Variants in EPG5 observed in about 807,000 individuals in gnomAD.
EPG5 encodes ectopic P-granules 5 autophagy tethering factor.
In EPG5, 159 loss-of-function variants were observed where a neutral mutation model predicts 302.7. That is an observed-to-expected ratio of 0.53 (90% CI 0.46 to 0.60). The LOEUF is 0.60. Ranked by LOEUF, EPG5 falls within the 20% of genes least tolerant of loss-of-function variation. The probability of loss-of-function intolerance (pLI) is 0.00; values close to 1 mark genes in which losing one functional copy is unlikely to be tolerated. For missense variants in EPG5, 2,896 were observed against 3,092.4 expected, an observed-to-expected ratio of 0.94 and a Z score of 1.51; for synonymous variants, 1,158 against 1,136.8, an observed-to-expected ratio of 1.02 and a Z score of -0.37.
rs760613861 is a variant in EPG5 at position 45,878,428 on chromosome 18, C to A, written c.5890G>T (p.Val1964Leu). Residue 1964 changes from valine to leucine, a missense_variant, in exon 34 of 44, where the codon GTA becomes TTA. Val to Leu is a conservative substitution (Grantham distance 32). Transcript: ENST00000282041. The stretch of plus-strand genomic sequence containing the variant: ...CATGGCTTAAAGAGCTGAATGATTA[C>A]TGAATGTAGGGATTTCAGCACTAAA... ...RKTVLKSLHS[V>L]IIQLFKPWIL... 8 of 1,611,980 alleles carry A rather than the reference C, an allele frequency of 5.0e-6. No individual in the cohort carries two copies. Among genetic ancestry groups the A allele is most frequent in the Non-Finnish European group, 6.8e-6 (8 of 1,179,010 alleles).
chr18:45,869,392 T>G (rs1413144904), intron 36 of EPG5, among the ~76,000 whole-genome samples: 1 of 152,194 alleles, frequency 6.6e-6, no homozygotes, highest in African/African-American at 2.4e-5. Flanking sequence ...TAGTTTATTA[T>G]GCCAACAAGA....
chr18:45,898,043 G>A (rs991186515), intron 27 of EPG5, among the ~76,000 whole-genome samples: 3 of 152,196 alleles, frequency 2.0e-5, no homozygotes, highest in African/African-American at 7.2e-5. Context: ...TCACTCGAAG[G>A]AGGAATACAG....
chr18:45,870,289 T>G (rs896847431), intron 36 of EPG5, among the ~76,000 whole-genome samples: 18 of 152,136 alleles, frequency 1.2e-4, no homozygotes, highest in Non-Finnish European at 2.9e-5. Flanking sequence ...AACGGAGGCA[T>G]TAAACTACGT....
the EPG5 span, among the ~76,000 whole-genome samples, chr18:45,807,646 G>A: frequency 1.3e-5 from 2 of 152,102 alleles, no homozygotes; most frequent in Non-Finnish European, 1.5e-5. Flanking sequence ...ACTACAGCTC[G>A]GCTCTCAGGA....
At chr18:45,934,012 A>G (rs893564244) in intron 11 of EPG5, among the ~76,000 whole-genome samples, 1 of 152,074 alleles carries the variant, frequency 6.6e-6, no homozygotes, top group Non-Finnish European at 1.5e-5. Context: ...TATCCTGGCC[A>G]GGCACGGTGG....
At chr18:45,842,361 T>C in the EPG5 span, 5 of 629,202 alleles carry the variant, frequency 7.9e-6, no homozygotes, top group Admixed American at 1.5e-4. Flanking sequence ...TGGCCTCCTA[T>C]GTGGACAACC....
At chr18:45,825,179 A>AAGG in the EPG5 span, among the ~76,000 whole-genome samples, 1 of 79,792 alleles carries the variant, frequency 1.3e-5, no homozygotes, top group Non-Finnish European at 2.5e-5. Context: ...AGGGAGGAAG[A>AAGG]GAGGGAGGGA....
chr18:45,897,447 T>C (rs375016642), intron 27 of EPG5, among the ~76,000 whole-genome samples: 2,842 of 152,328 alleles, frequency 0.019, 106 homozygotes, highest in African/African-American at 0.065. Context: ...TTCAGTTTTT[T>C]CCTCACTAAC....
chr18:45,962,754 C>T (rs943769765), intron 1 of EPG5, among the ~76,000 whole-genome samples: 1 of 152,092 alleles, frequency 6.6e-6, no homozygotes, highest in Non-Finnish European at 1.5e-5. Flanking sequence ...TTGTGGTTCC[C>T]TAAATAGCTG....
At chr18:45,920,510 C>A (rs949982018) in intron 16 of EPG5, among the ~76,000 whole-genome samples, 1 of 152,188 alleles carries the variant, frequency 6.6e-6, no homozygotes, top group Non-Finnish European at 1.5e-5. Flanking sequence ...CATAATTCTG[C>A]CGGCTGGAAG....
chr18:45,843,242 C>T (rs1013587845), downstream of EPG5: 3 of 152,338 alleles, frequency 2.0e-5, no homozygotes, highest in Non-Finnish European at 4.4e-5. Context: ...GGCAACTTCA[C>T]CCCCTTTGCC....
At chr18:45,890,818 T>C (rs548254200) in intron 27 of EPG5, among the ~76,000 whole-genome samples, 1 of 152,220 alleles carries the variant, frequency 6.6e-6, no homozygotes, top group Non-Finnish European at 1.5e-5. Flanking sequence ...GTGGGGGATA[T>C]GGGACAGAGA....
At position 45,865,634 on chromosome 18, in the gene EPG5, G is replaced by A. The variant is rs769881603; in HGVS notation, c.6747C>T (p.Ile2249=). Residue 2249 remains isoleucine, a synonymous_variant, in exon 39 of 44, where the codon ATC becomes ATT. Coordinates refer to ENST00000282041, the MANE Select transcript of EPG5 (RefSeq NM_020964.3). ...EQEMSKLLDD[I]IVFNPPDMDS... is the part of the protein sequence containing the mutation. ...ACTTACCGGGCGGGTTAAAGACAATGATATCGTCTAAGAGCTTAGACATTT... is the reference window on the plus strand; with the variant it reads ...ACTTACCGGGCGGGTTAAAGACAATAATATCGTCTAAGAGCTTAGACATTT... 47 of 1,614,016 alleles carry A rather than the reference G, an allele frequency of 2.9e-5. No individual in the cohort carries two copies. The highest frequency in any genetic ancestry group is 3.9e-5 in the Non-Finnish European group (46 of 1,179,964).
chr18:45,883,646 A>G (rs1373261548), intron 30 of EPG5, among the ~76,000 whole-genome samples: 3 of 90,116 alleles, frequency 3.3e-5, no homozygotes, highest in Admixed American at 1.4e-4. Flanking sequence ...TTTTTTGTAC[A>G]GACAGGGTTT....
chr18:45,959,655 TC>T (rs2051105964), intron 1 of EPG5, among the ~76,000 whole-genome samples: 1 of 129,194 alleles, frequency 7.7e-6, no homozygotes, highest in Admixed American at 8.8e-5. Flanking sequence ...AGCGAGACTG[TC>T]TCTAAATAAA....
chr18:45,883,614 GTTTTTTTTTTTTTT>G (rs1174930322), intron 30 of EPG5, among the ~76,000 whole-genome samples: 1 of 60,718 alleles, frequency 1.6e-5, no homozygotes, highest in African/African-American at 5.9e-5. Context: ...CTAGCCTGGT[GTTTTTTTTTTTTTT>G]TTTTTTTTTT....
chr18:45,883,029 AAAGTAGTTCACTAATTG>A (rs2049133754), intron 30 of EPG5, among the ~76,000 whole-genome samples: 1 of 151,792 alleles, frequency 6.6e-6, no homozygotes, highest in Non-Finnish European at 1.5e-5. Context: ...AAAAAAAAAA[AAAGTAGTTCACTAATTG>A]GTGCCATTAT....
In EPG5 at chr18:45,899,421, C is replaced by T. The variant is rs769998231; in HGVS notation, c.4792G>A (p.Ala1598Thr). ...GSSGKKCQGA[A>T]VVTVQFEGMH... ...ACACTTACCTGAACCGTGACAACTG[C>T]GGCTCCTTGGCATTTCTTACCGCTG... Residue 1598 changes from alanine (A) to threonine (T), a missense_variant, in exon 27 of 44, where the codon GCA (alanine) becomes ACA (threonine). Physicochemically the swap from Ala to Thr is moderately conservative, Grantham distance 58 (BLOSUM62 0). Around this residue, in one of 5 missense-constraint regions of EPG5, gnomAD observed 790 missense variants for 798.0 expected, o/e 0.99. Coordinates refer to ENST00000282041, the MANE Select transcript of EPG5 (RefSeq NM_020964.3). 7 of 1,614,086 alleles carry T rather than the reference C, an allele frequency of 4.3e-6. No individual in the cohort carries two copies. The highest frequency in any genetic ancestry group is 1.7e-5 in the Admixed American group (1 of 60,012).
At chr18:45,856,978 G>C (rs2048528460) in intron 42 of EPG5, among the ~76,000 whole-genome samples, 1 of 152,022 alleles carries the variant, frequency 6.6e-6, no homozygotes, top group African/African-American at 2.4e-5. Flanking sequence ...GAGTGCAATG[G>C]TGTGATCTCG....
Sources: allele counts gnomAD v4.1 joint callset (sites outside exome capture counted in the v4.1 genomes callset), GRCh38; gene constraint gnomAD v4.1.1; regional missense constraint gnomAD v4.1.1; transcripts MANE v1.5; gene names NCBI Gene and HGNC (gene_info 2026-07-23, HGNC 2026-07-21).